Variants in USP19 observed in about 807,000 individuals in gnomAD.
USP19 encodes ubiquitin specific peptidase 19, also known as ubiquitin carboxyl-terminal hydrolase 19.
In USP19, 40 loss-of-function variants were observed where a neutral mutation model predicts 144.8. The ratio of observed to expected loss-of-function variants is 0.28; its 90% CI spans 0.21 to 0.36. USP19 has a LOEUF of 0.36. Ranked by LOEUF, USP19 falls within the 10% of genes least tolerant of loss-of-function variation. USP19 has a pLI of 1.00. For missense variants in USP19, 1,518 were observed against 1,822.5 expected (o/e 0.83, Z 3.04); for synonymous variants, 701 against 709.3 (o/e 0.99, Z 0.19).
chr3:49,114,254 G>A lies in USP19; in HGVS notation c.2323C>T (p.Leu775=), dbSNP rs1477509389. ...VSITFDPFLY[L]PVPLPQKQKV... is the part of the protein sequence containing the mutation. ...TGCTTTTGTGGCAAGGGCACCGGCA[G>A]ATAAAGAAACGGGTCAAAAGTGATG... Residue 775 remains leucine (L), a synonymous_variant, in exon 16 of 27, where the codon CTG becomes TTG. Coordinates refer to ENST00000417901, the MANE Select transcript of USP19 (RefSeq NM_001199161.2). The surrounding 1 kb of genome is among the most constrained non-coding windows in gnomAD (Gnocchi z 4.5). The A allele has an allele frequency of 3.1e-6, 5 of 1,614,118 alleles. No homozygotes were observed. In the African/African-American group the frequency reaches 5.3e-5, roughly 17 times the overall value.
chr3:49,116,976 C>T lies in USP19; in HGVS notation c.910-33G>A. Reference sequence around the variant, plus strand: ...TGGCAAGATTGTGGAAAGAATCAGCCCTGGGTCTGCCAGGTGGCTCCCACT... The same window carrying T: ...TGGCAAGATTGTGGAAAGAATCAGCTCTGGGTCTGCCAGGTGGCTCCCACT... On this transcript the variant is annotated intron_variant, in intron 6 of 26. Transcript: ENST00000417901. The surrounding 1 kb of genome is among the most constrained non-coding windows in gnomAD (Gnocchi z 5.0). 6.3e-7 allele frequency: 1 copy of T among 1,598,316 alleles called. No individual in the cohort carries two copies.
chr3:49,115,799 G>C lies in USP19; in HGVS notation c.1617C>G (p.Asp539Glu), dbSNP rs771875957. ...EKDKSKARSEDTGLDSVATRT... is the reference protein window; with the variant it reads ...EKDKSKARSEETGLDSVATRT... ...GGGTTGCCACACTGTCTAGCCCTGT[G>C]TCCTCAGATCGTGCCTTGGATTTAT... Residue 539 changes from aspartate (D) to glutamate (E), a missense_variant, in exon 11 of 27, where the codon GAC becomes GAG. Asp to Glu is a conservative substitution (Grantham distance 45). Coordinates refer to ENST00000417901, the MANE Select transcript of USP19 (RefSeq NM_001199161.2). This position sits in a 1 kb window ranked among gnomAD's most constrained non-coding sequence, Gnocchi z 6.6. 5.8e-5 allele frequency: 93 copies of C among 1,613,976 alleles called. No individual in the cohort carries two copies. The highest frequency in any genetic ancestry group is 7.3e-5 in the Non-Finnish European group (86 of 1,179,964).
chr3:49,112,674 TC>T lies in USP19; in HGVS notation c.2506-46del, dbSNP rs1440926610. 6 of 1,579,902 alleles carry T rather than the reference TC, an allele frequency of 3.8e-6. No individual in the cohort carries two copies. The highest frequency in any genetic ancestry group is 5.2e-6 in the Non-Finnish European group (6 of 1,158,614). On this transcript the variant is annotated intron_variant, in intron 17 of 26. Coordinates refer to ENST00000417901, the MANE Select transcript of USP19 (RefSeq NM_001199161.2). The surrounding 1 kb of genome is among the most constrained non-coding windows in gnomAD (Gnocchi z 4.9). ...AGATCCCACGTGAGGATAAGCCCTT[TC>T]CCTAGCCCTGCCCCAGAGTTTAAGA... is the stretch of plus-strand genomic sequence containing the variant.
At chr3:49,119,766 T>C (rs2044847406) in intron 1 of USP19, among the ~76,000 whole-genome samples, 1 of 152,162 alleles carries the variant, frequency 6.6e-6, no homozygotes, top group Admixed American at 6.5e-5. Flanking sequence ...GGTTCTACCA[T>C]TGCCCAGAAA....
Position 49,111,829 on chromosome 3 carries a change from A to T in USP19, c.2904-16T>A. The stretch of plus-strand genomic sequence containing the variant: ...CACAGAGTACCTGGCAACAGAGAAC[A>T]ACGCAAGTAAGACTCCTGACCAGCC... On this transcript the variant is annotated splice_polypyrimidine_tract_variant and intron_variant, in intron 20 of 26. Coordinates refer to ENST00000417901, the MANE Select transcript of USP19 (RefSeq NM_001199161.2). This position sits in a 1 kb window ranked among gnomAD's most constrained non-coding sequence, Gnocchi z 5.9. 2 of 1,579,290 alleles carry T rather than the reference A, an allele frequency of 1.3e-6. No homozygotes were observed. Among genetic ancestry groups the T allele is most frequent in the Non-Finnish European group, 1.7e-6 (2 of 1,160,836 alleles).
At position 49,108,604 on chromosome 3, in the gene USP19, G is replaced by A. The variant is rs2042672290; in HGVS notation, c.4039-76C>T. On this transcript the variant is annotated intron_variant, in intron 26 of 26. Coordinates refer to ENST00000417901, the MANE Select transcript of USP19 (RefSeq NM_001199161.2). The surrounding 1 kb of genome is among the most constrained non-coding windows in gnomAD (Gnocchi z 4.8). ...GGCATCCCGGGGGTGCTGGCTTGGA[G>A]CCCTGGCACCCAAGGGAGGGTCCCA... 1 of 1,242,578 alleles carries A rather than the reference G, an allele frequency of 8.0e-7. No individual in the cohort carries two copies. The highest frequency in any genetic ancestry group is 1.0e-6 in the Non-Finnish European group (1 of 985,460). The allele number at this position is 1,242,578 out of a possible 1,614,324, so 77.0% of individuals were successfully genotyped here.
chr3:49,111,967 T>C lies in USP19; in HGVS notation c.2847A>G (p.Val949=). ...GGGCATAAGTGAGGCGTGAGGCAGG[T>C]ACACTGACCAGGAAGGGGTAGCCAA... ...ENIGYPFLVS[V]PASRLTYARL... is the part of the protein sequence containing the mutation. Residue 949 remains valine (V), a synonymous_variant, in exon 20 of 27, where the codon GTA becomes GTG. Coordinates refer to ENST00000417901, the MANE Select transcript of USP19 (RefSeq NM_001199161.2). This position sits in a 1 kb window ranked among gnomAD's most constrained non-coding sequence, Gnocchi z 5.9. 1 of 1,613,996 alleles carries C rather than the reference T, an allele frequency of 6.2e-7. No homozygotes were observed. Among genetic ancestry groups the C allele is most frequent in the Middle Eastern group, 1.6e-4 (1 of 6,062 alleles).
rs746875484 is a variant in USP19, at chr3:49,111,832, G to T, written c.2904-19C>A. On this transcript the variant is annotated intron_variant, in intron 20 of 26. Coordinates refer to ENST00000417901, the MANE Select transcript of USP19 (RefSeq NM_001199161.2). The surrounding 1 kb of genome is among the most constrained non-coding windows in gnomAD (Gnocchi z 5.9). The stretch of plus-strand genomic sequence containing the variant: ...AGAGTACCTGGCAACAGAGAACAAC[G>T]CAAGTAAGACTCCTGACCAGCCCAT... The T allele has an allele frequency of 6.3e-7, 1 of 1,582,796 alleles. No homozygotes were observed. The highest frequency in any genetic ancestry group is 2.2e-5 in the East Asian group (1 of 44,556).
chr3:49,109,024 C>T (rs767717991), intron 26 of USP19: 1 of 1,613,674 alleles, frequency 6.2e-7, no homozygotes, highest in African/African-American at 1.3e-5. Flanking sequence ...CCAAAGCCGC[C>T]ACGGTGCCCA....
At chr3:49,109,084 T>C (rs1329568471) in intron 26 of USP19, 2 of 1,600,912 alleles carry the variant, frequency 1.2e-6, no homozygotes, top group Non-Finnish European at 1.7e-6. Context: ...GGCCACGTGG[T>C]AGGGGGCCCA....
At position 49,108,383 on chromosome 3, in the gene USP19, C is replaced by A; in HGVS notation, c.*29G>T. On this transcript the variant is annotated 3_prime_UTR_variant, in exon 27 of 27. Coordinates refer to ENST00000417901, the MANE Select transcript of USP19 (RefSeq NM_001199161.2). The surrounding 1 kb of genome is among the most constrained non-coding windows in gnomAD (Gnocchi z 4.8). ...TGGCCCTCTGTGTGGGTGTCCCAAA[C>A]CCAGTCCCCCCCATCAGCCAGGGAC... 2 of 984,284 alleles carry A rather than the reference C, an allele frequency of 2.0e-6. No individual in the cohort carries two copies. Among genetic ancestry groups the A allele is most frequent in the East Asian group, 3.4e-5 (1 of 29,084 alleles). The allele number at this position is 984,284 out of a possible 1,614,324, so 61.0% of individuals were successfully genotyped here. A position where few individuals can be genotyped will look rare whatever the true frequency, so the allele number is the denominator to read the frequency against.
rs530044065 is a variant in USP19 at position 49,116,124 on chromosome 3, G to A, written c.1394C>T (p.Thr465Met). The change falls in exon 10 of 27, where the codon ACG becomes ATG. Residue 465 changes from threonine to methionine, a missense_variant. Physicochemically the swap from Thr to Met is moderately conservative, Grantham distance 81 (BLOSUM62 -1). This residue lies in a region of USP19 where 707 missense variants were observed against 728.9 expected (regional missense o/e 0.97). Coordinates refer to ENST00000417901, the MANE Select transcript of USP19 (RefSeq NM_001199161.2). The surrounding 1 kb of genome is among the most constrained non-coding windows in gnomAD (Gnocchi z 5.0). ...IEPEQCTFCF[T>M]ASRIDICLRK... The stretch of plus-strand genomic sequence containing the variant: ...AAGGCAGATGTCGATGCGAGAAGCC[G>A]TGAAACAGAAGGTGCACTGCTCTGG... The A allele has an allele frequency of 9.3e-6, 15 of 1,613,570 alleles. No homozygotes were observed. Among genetic ancestry groups the A allele is most frequent in the South Asian group, 7.7e-5 (7 of 91,038 alleles).
Position 49,111,289 on chromosome 3 carries a change from A to G in USP19, c.3294T>C (p.Asp1098=), listed in dbSNP as rs776337868. 6.2e-7 allele frequency: 1 copy of G among 1,614,166 alleles called. No homozygotes were observed. The highest frequency in any genetic ancestry group is 2.2e-5 in the East Asian group (1 of 44,880). The stretch of plus-strand genomic sequence containing the variant: ...CTAGCCGCTGCTCTCGGTTGGATGA[A>G]TCAATTTTATAGATGAAGAACTGGG... The part of the protein sequence containing the change: ...HTPQFFIYKI[D]SSNREQRLED... The change falls in exon 22 of 27, where the codon GAT becomes GAC. Residue 1098 remains aspartate (D), a synonymous_variant. Transcript: ENST00000417901. This position sits in a 1 kb window ranked among gnomAD's most constrained non-coding sequence, Gnocchi z 5.9.
chr3:49,108,531 G>A lies in USP19; in HGVS notation c.4039-3C>T. 3 of 1,250,542 alleles carry A rather than the reference G, an allele frequency of 2.4e-6. No homozygotes were observed. The highest frequency in any genetic ancestry group is 3.1e-6 in the Non-Finnish European group (3 of 976,716). The allele number at this position is 1,250,542 out of a possible 1,614,324, so 77.5% of individuals were successfully genotyped here. A position where few individuals can be genotyped will look rare whatever the true frequency, so the allele number is the denominator to read the frequency against. ...GGGGCCTGGCCAGGGCCTAGTCCCT[G>A]CAACAGAATACGAGGACAGGGGTTG... On this transcript the variant is annotated splice_polypyrimidine_tract_variant and splice_region_variant and intron_variant, in intron 26 of 26. Transcript: ENST00000417901. This position sits in a 1 kb window ranked among gnomAD's most constrained non-coding sequence, Gnocchi z 4.8.
rs1575437838 is a variant in USP19 at position 49,111,709 on chromosome 3, G to A, written c.3008C>T (p.Ala1003Val). 1.9e-6 allele frequency: 3 copies of A among 1,590,720 alleles called. No homozygotes were observed. The East Asian group carries it at 6.7e-5, about 36-fold the overall frequency. The change falls in exon 21 of 27, where the codon GCT (alanine) becomes GTT (valine). Residue 1003 changes from alanine (A) to valine (V), a missense_variant. Physicochemically the swap from Ala to Val is moderately conservative, Grantham distance 64 (BLOSUM62 0). Transcript: ENST00000417901. This position sits in a 1 kb window ranked among gnomAD's most constrained non-coding sequence, Gnocchi z 5.9. ...TTLLSTGSLE[A>V]GDSERDPIQP... ...AATGGGGTCTCTCTCGCTGTCCCCA[G>A]CCTCCAGGGAACCTGTGGAGAGCAG...
chr3:49,117,660 C>A lies in USP19; in HGVS notation c.469G>T (p.Ala157Ser), dbSNP rs766846993. 6.2e-7 allele frequency: 1 copy of A among 1,614,202 alleles called. No homozygotes were observed. Among genetic ancestry groups the A allele is most frequent in the Non-Finnish European group, 8.5e-7 (1 of 1,180,034 alleles). ...FTDTDCVVRF[A>S]GGQQWGGVFY... ...TGCTCAGGGCAGATGGACACACCTG[C>A]AAACCGCACCACACAGTCTGTATCT... Residue 157 changes from alanine to serine, a missense_variant, in exon 4 of 27, where the codon GCA becomes TCA. Ala to Ser is a moderately conservative substitution (Grantham distance 99). Around this residue, in one of 5 missense-constraint regions of USP19, gnomAD observed 707 missense variants for 728.9 expected, o/e 0.97. Coordinates refer to ENST00000417901, the MANE Select transcript of USP19 (RefSeq NM_001199161.2). This position sits in a 1 kb window ranked among gnomAD's most constrained non-coding sequence, Gnocchi z 4.4.
In USP19 at chr3:49,115,297, A is replaced by C; in HGVS notation, c.1953T>G (p.Ile651Met). 6.2e-7 allele frequency: 1 copy of C among 1,614,182 alleles called. No homozygotes were observed. The highest frequency in any genetic ancestry group is 8.5e-7 in the Non-Finnish European group (1 of 1,180,042). The stretch of plus-strand genomic sequence containing the variant: ...GCGCCCGAAGCAGCACGGCAAAGCC[A>C]ATGGCCAGACGCCCACCAGTCCCTA... ...NPLGTGGRLA[I>M]GFAVLLRALW... Residue 651 changes from isoleucine (I) to methionine (M), a missense_variant, in exon 13 of 27, where the codon ATT becomes ATG. Ile to Met is a conservative substitution (Grantham distance 10, BLOSUM62 1). Coordinates refer to ENST00000417901, the MANE Select transcript of USP19 (RefSeq NM_001199161.2). The surrounding 1 kb of genome is among the most constrained non-coding windows in gnomAD (Gnocchi z 6.6).
chr3:49,118,045 T>C lies in USP19; in HGVS notation c.200A>G (p.His67Arg). 1 of 1,596,740 alleles carries C rather than the reference T, an allele frequency of 6.3e-7. No homozygotes were observed. The highest frequency in any genetic ancestry group is 8.5e-7 in the Non-Finnish European group (1 of 1,175,830). ...ASGDPSASAS[H>R]AAGITGSRHR... ...GCGTGAGCCTGTGATCCCAGCTGCA[T>C]GGGAGGCTGAGGCAGAAGGATCACC... The change falls in exon 3 of 27, where the codon CAT becomes CGT. Residue 67 changes from histidine to arginine, a missense_variant. Physicochemically the swap from His to Arg is conservative, Grantham distance 29. Around this residue, in one of 5 missense-constraint regions of USP19, gnomAD observed 707 missense variants for 728.9 expected, o/e 0.97. Transcript: ENST00000417901.
In USP19 at chr3:49,115,106, C is replaced by T. The variant is rs759206015; in HGVS notation, c.2034G>A (p.Ala678=). 9.9e-6 allele frequency: 16 copies of T among 1,613,964 alleles called. No individual in the cohort carries two copies. The East Asian group carries it at 2.2e-4, about 22-fold the overall frequency. The change falls in exon 14 of 27, where the codon GCG becomes GCA. Residue 678 remains alanine (A), a synonymous_variant. Coordinates refer to ENST00000417901, the MANE Select transcript of USP19 (RefSeq NM_001199161.2). The surrounding 1 kb of genome is among the most constrained non-coding windows in gnomAD (Gnocchi z 6.6). ...FQPSKLKAIV[A]SKASQFTGYA... is the part of the protein sequence containing the mutation. The stretch of plus-strand genomic sequence containing the variant: ...AGCCTGTGAACTGGCTGGCCTTACT[C>T]GCCACAATGGCCTGGATACAGGAGC...
Sources: gnomAD v4.1 joint callset for allele counts (sites outside exome capture counted in the v4.1 genomes callset) on GRCh38, gnomAD v4.1.1 for gene constraint, gnomAD v4.1.1 regional missense constraint, Gnocchi (gnomAD v3.1) non-coding constraint, MANE v1.5 for transcripts, NCBI Gene and HGNC (gene_info 2026-07-23, HGNC 2026-07-21) for gene names.